DLG2: variants seen among roughly 807,000 people sequenced by gnomAD.
The protein encoded by DLG2 is disks large homolog 2.
In DLG2, 45 loss-of-function variants were observed where a neutral mutation model predicts 132.5. That is an observed-to-expected ratio of 0.34 (90% CI 0.27 to 0.44). DLG2 has a LOEUF of 0.44. Ranked by LOEUF, DLG2 falls within the 20% of genes least tolerant of loss-of-function variation. The pLI is 1.00. For synonymous variants in DLG2, 424 were observed against 419.6 expected, an observed-to-expected ratio of 1.01 and a Z score of -0.13; for missense variants, 1,045 against 1,196.9, an observed-to-expected ratio of 0.87 and a Z score of 1.87.
At chr11:84,870,685 C>T (rs1380022832) in intron 6 of DLG2, among the ~76,000 whole-genome samples, 2 of 152,174 alleles carry the variant, frequency 1.3e-5, no homozygotes, top group Non-Finnish European at 2.9e-5. Context: ...GTACATAATA[C>T]ACACATTTAT....
chr11:83,654,667 C>T (rs2071769923), intron 18 of DLG2, among the ~76,000 whole-genome samples: 1 of 152,190 alleles, frequency 6.6e-6, no homozygotes, highest in Non-Finnish European at 1.5e-5. Flanking sequence ...GAGACACATC[C>T]TAGCTATTGC....
At chr11:83,709,270 T>C (rs11233724) in intron 18 of DLG2, among the ~76,000 whole-genome samples, 43,455 of 148,490 alleles carry the variant, frequency 0.29, 8,180 homozygotes, top group African/African-American at 0.54. Context: ...TATATATGTA[T>C]GTATATATAC....
chr11:85,002,119 T>C (rs1244065406), intron 6 of DLG2, among the ~76,000 whole-genome samples: 1 of 152,180 alleles, frequency 6.6e-6, no homozygotes. Flanking sequence ...AATCTTTGTT[T>C]TAATTATATC....
intron 3 of DLG2, among the ~76,000 whole-genome samples, chr11:85,365,537 T>C (rs1460433169): frequency 1.3e-5 from 2 of 152,150 alleles, no homozygotes; most frequent in Non-Finnish European, 2.9e-5. Context: ...ATTCCTCAGG[T>C]ATCTAGAACC....
intron 6 of DLG2, among the ~76,000 whole-genome samples, chr11:84,780,418 C>T (rs1246316224): frequency 2.6e-5 from 4 of 151,996 alleles, no homozygotes; most frequent in Middle Eastern, 3.2e-3. Context: ...ACACAGGAAA[C>T]ATCACACTGA....
chr11:84,265,539 C>T (rs1476911480), intron 7 of DLG2, among the ~76,000 whole-genome samples: 1 of 152,088 alleles, frequency 6.6e-6, no homozygotes, highest in Admixed American at 6.6e-5. Flanking sequence ...CATTTCTGAT[C>T]CTGGCCATTT....
intron 6 of DLG2, among the ~76,000 whole-genome samples, chr11:84,676,607 G>A (rs1264825142): frequency 6.6e-6 from 1 of 151,990 alleles, no homozygotes; most frequent in Non-Finnish European, 1.5e-5. Flanking sequence ...ATTCTTCTAG[G>A]TGCCTTGAAA....
intron 18 of DLG2, among the ~76,000 whole-genome samples, chr11:83,735,407 T>C (rs952505832): frequency 6.6e-6 from 1 of 152,228 alleles, no homozygotes; most frequent in African/African-American, 2.4e-5. Context: ...GGGGGCAAGA[T>C]GCTTTTTAAA....
chr11:85,533,445 T>C (rs1410508101), intron 3 of DLG2, among the ~76,000 whole-genome samples: 1 of 145,240 alleles, frequency 6.9e-6, no homozygotes, highest in Non-Finnish European at 1.5e-5. Context: ...AATACATATA[T>C]ATACATAAAA....
chr11:83,978,299 A>G (rs1432549586), intron 12 of DLG2, among the ~76,000 whole-genome samples: 1 of 152,052 alleles, frequency 6.6e-6, no homozygotes, highest in Non-Finnish European at 1.5e-5. Flanking sequence ...GCTGCCTGCA[A>G]CCAAACTCAT....
intron 6 of DLG2, among the ~76,000 whole-genome samples, chr11:84,548,838 A>G (rs2099396042): frequency 1.3e-5 from 2 of 152,200 alleles, no homozygotes; most frequent in Admixed American, 1.3e-4. Flanking sequence ...TAAGCCCAAT[A>G]AAATAGATTA....
intron 18 of DLG2, among the ~76,000 whole-genome samples, chr11:83,736,732 T>A (rs937373249): frequency 7.2e-5 from 11 of 151,770 alleles, no homozygotes; most frequent in Admixed American, 5.9e-4. Context: ...CCCTAAAGAA[T>A]AAGAAGAAGA....
chr11:84,021,279 A>G (rs796856166), intron 11 of DLG2, among the ~76,000 whole-genome samples: 9 of 152,300 alleles, frequency 5.9e-5, no homozygotes, highest in African/African-American at 2.2e-4. Flanking sequence ...ATGTACAAAT[A>G]AGAATCATAT....
chr11:85,453,384 T>C (rs1047045527), intron 3 of DLG2: 1 of 201,842 alleles, frequency 5.0e-6, no homozygotes, highest in African/African-American at 2.3e-5. Flanking sequence ...GTTTCTTCTC[T>C]ACCCGTTCTA....
intron 6 of DLG2, among the ~76,000 whole-genome samples, chr11:84,953,248 G>T (rs1469033320): frequency 6.6e-6 from 1 of 152,090 alleles, no homozygotes; most frequent in Non-Finnish European, 1.5e-5. Context: ...AATGCTTACT[G>T]GGTCTTGGAT....
chr11:84,577,230 T>G (rs1437442610), intron 6 of DLG2, among the ~76,000 whole-genome samples: 1 of 152,122 alleles, frequency 6.6e-6, no homozygotes, highest in Non-Finnish European at 1.5e-5. Flanking sequence ...ATCAAAAGTG[T>G]GAAAATGAAC....
intron 8 of DLG2, among the ~76,000 whole-genome samples, chr11:84,176,834 T>C (rs1222394588): frequency 1.3e-5 from 2 of 152,126 alleles, no homozygotes; most frequent in Admixed American, 6.6e-5. Flanking sequence ...CAGTTCATGC[T>C]CAAGCATAGC....
intron 7 of DLG2, among the ~76,000 whole-genome samples, chr11:84,327,569 T>A (rs2098438671): frequency 6.6e-6 from 1 of 152,194 alleles, no homozygotes; most frequent in Non-Finnish European, 1.5e-5. Context: ...TTCTTTCTCA[T>A]TTTCTTTTGC....
intron 6 of DLG2, among the ~76,000 whole-genome samples, chr11:85,065,844 T>C (rs2154162828): frequency 6.6e-6 from 1 of 151,444 alleles, no homozygotes; most frequent in East Asian, 1.9e-4. Context: ...TTTATGGTGT[T>C]AAATGCCTAT....
Sources: gnomAD v4.1 joint callset for allele counts (sites outside exome capture counted in the v4.1 genomes callset) on GRCh38, gnomAD v4.1.1 for gene constraint, MANE v1.5 for transcripts, NCBI Gene and HGNC (gene_info 2026-07-23, HGNC 2026-07-21) for gene names.